The following SLA variants were observed in gnomAD, a reference collection of about 807,000 sequenced individuals.
SLA encodes the protein src-like-adapter.
In SLA, 16 loss-of-function variants were observed where a neutral mutation model predicts 30.3. That is an observed-to-expected ratio of 0.53 (90% confidence interval 0.36 to 0.80). The LOEUF (loss-of-function observed/expected upper bound fraction) is 0.80. SLA is among the 30% of genes least tolerant of loss of function. The pLI is 0.01. For missense variants in SLA, 310 were observed against 345.2 expected (o/e 0.90, Z 0.81); for synonymous variants, 143 against 137.8 (o/e 1.04, Z -0.26).
At chr8:133,061,652 C>T (rs1433241161) in intron 2 of SLA, among the ~76,000 whole-genome samples, 1 of 152,200 alleles carries the variant, frequency 6.6e-6, no homozygotes, top group Non-Finnish European at 1.5e-5. Context: ...AACAGGGTCC[C>T]CCCATCGGCC....
chr8:133,049,241 A>C, intron 5 of SLA: 1 of 434,550 alleles, frequency 2.3e-6, no homozygotes, highest in Non-Finnish European at 4.6e-6. Context: ...TTTCTAAGAT[A>C]TCTCTTGTTT....
chr8:133,057,382 T>A (rs544533970), intron 3 of SLA, among the ~76,000 whole-genome samples: 3 of 152,278 alleles, frequency 2.0e-5, no homozygotes, highest in South Asian at 2.1e-4. Flanking sequence ...AATGAACACT[T>A]TGGGATGATT....
chr8:133,087,712 A>C (rs563223917), intron 1 of SLA: 1 of 152,200 alleles, frequency 6.6e-6, no homozygotes, highest in Non-Finnish European at 1.5e-5. Flanking sequence ...TCCATCATTC[A>C]CTCACCTTGA....
intron 2 of SLA, among the ~76,000 whole-genome samples, chr8:133,061,265 T>C (rs1842332802): frequency 6.6e-6 from 1 of 152,216 alleles, no homozygotes; most frequent in East Asian, 1.9e-4. Context: ...TGCCTTGGCC[T>C]CCCAATGTGG....
intron 3 of SLA, among the ~76,000 whole-genome samples, chr8:133,056,751 AATC>A (rs1434574794): frequency 6.6e-6 from 1 of 152,202 alleles, no homozygotes; most frequent in Admixed American, 6.5e-5. Context: ...AAGCGGCTCT[AATC>A]ATTCCCGTTT....
At chr8:133,082,370 G>A (rs1198204038) in intron 1 of SLA, among the ~76,000 whole-genome samples, 1 of 152,176 alleles carries the variant, frequency 6.6e-6, no homozygotes, top group Non-Finnish European at 1.5e-5. Context: ...AAGGGACGGA[G>A]GGCAGGAGAG....
intron 2 of SLA, among the ~76,000 whole-genome samples, chr8:133,061,035 G>A (rs3758112): frequency 0.27 from 40,366 of 152,050 alleles, 5,440 homozygotes; most frequent in African/African-American, 0.28. Context: ...TTTTTGAGAC[G>A]CAGTCTCACT....
At chr8:133,076,241 C>G (rs1263127533) in intron 1 of SLA, 2 of 152,272 alleles carry the variant, frequency 1.3e-5, no homozygotes, top group African/African-American at 4.8e-5. Context: ...AGTCACACAG[C>G]TAGTCCCAAA....
At chr8:133,056,615 C>T (rs1041221623) in intron 3 of SLA, among the ~76,000 whole-genome samples, 1 of 152,200 alleles carries the variant, frequency 6.6e-6, no homozygotes, top group South Asian at 2.1e-4. Flanking sequence ...GTCATTTAAG[C>T]TTCTTGTACC....
At chr8:133,088,910 A>G (rs1847040148) in intron 1 of SLA, among the ~76,000 whole-genome samples, 1 of 152,250 alleles carries the variant, frequency 6.6e-6, no homozygotes, top group African/African-American at 2.4e-5. Context: ...TGTAGAAAAC[A>G]TGCAAGAGAA....
intron 1 of SLA, among the ~76,000 whole-genome samples, chr8:133,098,648 A>G (rs532486424): frequency 2.6e-5 from 4 of 152,148 alleles, no homozygotes; most frequent in South Asian, 2.1e-4. Flanking sequence ...TATTCCCAGG[A>G]GCCTTGGGAT....
intron 8 of SLA, among the ~76,000 whole-genome samples, 168 bp from the exon 9 acceptor site, chr8:133,038,905 T>A (rs769169140): frequency 7.8e-4 from 119 of 152,156 alleles, no homozygotes; most frequent in Non-Finnish European, 1.6e-3. Context: ...TAAGATGGAG[T>A]CTCGCTCTGT....
chr8:133,089,620 C>G (rs769461211), intron 1 of SLA, among the ~76,000 whole-genome samples: 1 of 152,196 alleles, frequency 6.6e-6, no homozygotes, highest in African/African-American at 2.4e-5. Flanking sequence ...AAATTCTTCT[C>G]TTCATTTAGA....
intron 1 of SLA, among the ~76,000 whole-genome samples, chr8:133,085,878 C>T (rs758482416): frequency 1.6e-4 from 24 of 152,166 alleles, no homozygotes; most frequent in Non-Finnish European, 3.2e-4. Context: ...CCTATACATT[C>T]AAGAGACATG....
At chr8:133,095,836 G>C (rs1056576019) in intron 1 of SLA, among the ~76,000 whole-genome samples, 1 of 152,218 alleles carries the variant, frequency 6.6e-6, no homozygotes, top group African/African-American at 2.4e-5. Flanking sequence ...CCTAAGTGCA[G>C]GCTAATTTGA....
intron 1 of SLA, among the ~76,000 whole-genome samples, chr8:133,089,251 C>A (rs957228714): frequency 1.3e-5 from 2 of 152,202 alleles, no homozygotes; most frequent in African/African-American, 4.8e-5. Flanking sequence ...TCTTCTGTTC[C>A]GCATATGGTG....
intron 1 of SLA, among the ~76,000 whole-genome samples, chr8:133,095,388 C>T (rs1848256209): frequency 6.6e-6 from 1 of 152,100 alleles, no homozygotes. Flanking sequence ...CAGCCTGCAA[C>T]AGTCCAAACA....
chr8:133,041,130 C>G (rs1478636570), intron 7 of SLA, among the ~76,000 whole-genome samples: 1 of 152,212 alleles, frequency 6.6e-6, no homozygotes, highest in African/African-American at 2.4e-5. Context: ...CAGTGCTTCT[C>G]CTGTGCCCTG....
chr8:133,060,822 G>C (rs1469533813), intron 2 of SLA, among the ~76,000 whole-genome samples: 1 of 152,186 alleles, frequency 6.6e-6, no homozygotes, highest in Admixed American at 6.5e-5. Context: ...TGTGCAGTGA[G>C]GGAAACTGAG....
Sources: gnomAD v4.1 joint callset for allele counts (sites outside exome capture counted in the v4.1 genomes callset) on GRCh38, gnomAD v4.1.1 for gene constraint, MANE v1.5 for transcripts, NCBI Gene and HGNC (gene_info 2026-07-23, HGNC 2026-07-21) for gene names.